Variants in AP3M1 observed in about 807,000 individuals in gnomAD.
The protein encoded by AP3M1 is AP-3 complex subunit mu-1.
Under a neutral mutation model 42.6 loss-of-function variants are expected in AP3M1, and 29 were observed. The observed-to-expected ratio is 0.68, with a 90% CI of 0.51 to 0.93. AP3M1 has a LOEUF of 0.93. Among genes scored for constraint, AP3M1 ranks in the 40% least tolerant of loss-of-function variants. The pLI, the probability that AP3M1 is intolerant of heterozygous loss-of-function variation, is 0.00. For synonymous variants in AP3M1, 178 were observed against 175.3 expected (o/e 1.02, Z -0.12); for missense variants, 416 against 510.2 (o/e 0.82, Z 1.78).
chr10:74,127,681 A>G (rs1467849499), intron 6 of AP3M1, among the ~76,000 whole-genome samples: 3 of 152,020 alleles, frequency 2.0e-5, no homozygotes. Context: ...ACAAAACAAA[A>G]TAACATAAAA....
At chr10:74,127,019 A>G (rs1840639447) in intron 6 of AP3M1, among the ~76,000 whole-genome samples, 3 of 150,082 alleles carry the variant, frequency 2.0e-5, no homozygotes, top group African/African-American at 4.9e-5. Context: ...ATAACAATAT[A>G]ACTACAATAA....
intron 5 of AP3M1, 125 bp downstream of exon 5, chr10:74,129,782 G>C: frequency 2.8e-6 from 2 of 717,774 alleles, no homozygotes; most frequent in Non-Finnish European, 4.8e-6. Context: ...AACTCTGCTA[G>C]GAATATTTCT....
chr10:74,147,560 C>T (rs75467340), intron 1 of AP3M1, among the ~76,000 whole-genome samples: 19,167 of 152,108 alleles, frequency 0.13, 1,220 homozygotes, highest in Middle Eastern at 0.21. Flanking sequence ...AATTTTAATA[C>T]CACAGAATAT....
At chr10:74,133,360 C>T (rs1052214501) in intron 4 of AP3M1, among the ~76,000 whole-genome samples, 8 of 150,832 alleles carry the variant, frequency 5.3e-5, no homozygotes, top group Middle Eastern at 3.4e-3. Context: ...CACCATTGCA[C>T]TCCACCCTGG....
chr10:74,129,604 C>T (rs776660288), intron 5 of AP3M1, among the ~76,000 whole-genome samples: 3 of 152,096 alleles, frequency 2.0e-5, no homozygotes, highest in Non-Finnish European at 4.4e-5. Context: ...TACAAAAGAC[C>T]AGTGTCCTTT....
chr10:74,131,471 T>C (rs957621484), intron 4 of AP3M1, among the ~76,000 whole-genome samples: 33 of 151,776 alleles, frequency 2.2e-4, no homozygotes, highest in Non-Finnish European at 4.0e-4. Context: ...CCGGCTTCAA[T>C]AGAATTTTAA....
In AP3M1 at chr10:74,134,132, C is replaced by T. The variant is rs145365519; in HGVS notation, c.478G>A (p.Gly160Arg). The T allele has an allele frequency of 1.4e-5, 22 of 1,613,810 alleles. No individual in the cohort carries two copies. Among genetic ancestry groups the T allele is most frequent in the African/African-American group, 1.2e-4 (9 of 74,858 alleles). Residue 160 changes from glycine to arginine, a missense_variant, in exon 4 of 9, where the codon GGG becomes AGG. Transcript: ENST00000355264. The part of the protein sequence containing the change: ...SSNVGDTLPT[G>R]QLSNIPWRRA... ...CGCCATGGTATGTTGGACAGCTGCCCGGTGGGGAGTGTGTCCCCAACATTA... is the reference window on the plus strand; with the variant it reads ...CGCCATGGTATGTTGGACAGCTGCCTGGTGGGGAGTGTGTCCCCAACATTA...
At position 74,136,586 on chromosome 10, in the gene AP3M1, A is replaced by G. The variant is rs114459662; in HGVS notation, c.445+46T>C. 3,738 of 1,385,240 alleles carry G rather than the reference A, an allele frequency of 2.7e-3. 94 individuals carry two copies. The African/African-American group carries it at 0.047, about 17-fold the overall frequency. 85.8% of individuals were successfully genotyped at this position (1,385,240 alleles called of 1,614,324 possible). ...TCATGAGCAATAATGAGTTGTTTAC[A>G]AAGTTTTAATTGCTCAGTTACTAGC... On this transcript the variant is annotated intron_variant, in intron 3 of 8. Transcript: ENST00000355264.
chr10:74,131,505 T>G (rs774377729), intron 4 of AP3M1, among the ~76,000 whole-genome samples: 20 of 150,690 alleles, frequency 1.3e-4, no homozygotes, highest in Non-Finnish European at 2.8e-4. Context: ...TATTATGAAA[T>G]GGACTAAGTT....
intron 6 of AP3M1, among the ~76,000 whole-genome samples, chr10:74,127,560 G>A (rs1482259713): frequency 6.6e-6 from 1 of 152,174 alleles, no homozygotes; most frequent in Admixed American, 6.5e-5. Flanking sequence ...TTGGGAGGCT[G>A]AGGCAGGAGA....
chr10:74,144,295 C>T (rs961973403), intron 1 of AP3M1, among the ~76,000 whole-genome samples: 7 of 151,402 alleles, frequency 4.6e-5, no homozygotes, highest in Non-Finnish European at 8.8e-5. Flanking sequence ...GATAGGGTCT[C>T]GCTCTGTTGC....
chr10:74,140,164 C>T (rs184500345), intron 1 of AP3M1, among the ~76,000 whole-genome samples: 4 of 152,284 alleles, frequency 2.6e-5, no homozygotes, highest in African/African-American at 9.6e-5. Flanking sequence ...CTCGGTCCCC[C>T]GGGTGCCAGG....
intron 1 of AP3M1, among the ~76,000 whole-genome samples, chr10:74,148,483 T>C (rs1483905630): frequency 6.6e-6 from 1 of 152,188 alleles, no homozygotes; most frequent in African/African-American, 2.4e-5. Context: ...TACTCATGAA[T>C]TGACACAGTA....
At chr10:74,144,348 C>T (rs1240291135) in intron 1 of AP3M1, among the ~76,000 whole-genome samples, 1 of 151,616 alleles carries the variant, frequency 6.6e-6, no homozygotes, top group Non-Finnish European at 1.5e-5. Flanking sequence ...CACTCCAACG[C>T]CCACCTCCAG....
chr10:74,148,615 T>C (rs924444634), intron 1 of AP3M1, among the ~76,000 whole-genome samples: 2 of 152,212 alleles, frequency 1.3e-5, no homozygotes, highest in Middle Eastern at 3.4e-3. Flanking sequence ...GGACCAATCA[T>C]AGCTCACTGT....
intron 1 of AP3M1, among the ~76,000 whole-genome samples, chr10:74,144,163 A>C (rs920346404): frequency 5.9e-5 from 9 of 152,094 alleles, no homozygotes; most frequent in African/African-American, 2.2e-4. Flanking sequence ...GGGTTTCACC[A>C]TGTTAGCCAG....
chr10:74,148,963 C>T (rs1564558851), intron 1 of AP3M1, among the ~76,000 whole-genome samples: 3 of 151,644 alleles, frequency 2.0e-5, no homozygotes, highest in Non-Finnish European at 4.4e-5. Flanking sequence ...ACCTCCGCTT[C>T]CTGGGTTCAA....
In AP3M1 at chr10:74,128,330, C is replaced by T. The variant is rs570619705; in HGVS notation, c.803+778G>A. ...ATCTGTCACTGCAACCTCTGCCTTC[C>T]AGGTTCAAGTGATTCTCATGCCTCA... On this transcript the variant is annotated intron_variant, in intron 6 of 8. Transcript: ENST00000355264. 2.0e-5 allele frequency among the ~76,000 whole-genome samples: 3 copies of T among 151,604 alleles called. No homozygotes were observed. The East Asian group carries it at 5.9e-4, about 30-fold the overall frequency.
At chr10:74,145,873 T>C (rs1254988415) in intron 1 of AP3M1, among the ~76,000 whole-genome samples, 2 of 152,212 alleles carry the variant, frequency 1.3e-5, no homozygotes, top group African/African-American at 2.4e-5. Flanking sequence ...CAAAAATGTA[T>C]TCCTTCTATA....
Sources: allele counts gnomAD v4.1 joint callset (sites outside exome capture counted in the v4.1 genomes callset), GRCh38; gene constraint gnomAD v4.1.1; transcripts MANE v1.5; gene names NCBI Gene and HGNC (gene_info 2026-07-23, HGNC 2026-07-21).